Variants in TCP11L1 observed in about 807,000 individuals in gnomAD.
TCP11L1 encodes t-complex 11 like 1, also known as T-complex protein 11-like protein 1.
In TCP11L1, 28 loss-of-function variants were observed where a neutral mutation model predicts 48.9. That is an observed-to-expected ratio of 0.57 (90% CI 0.42 to 0.78). The LOEUF (loss-of-function observed/expected upper bound fraction) is 0.78, where lower values mean the gene tolerates loss of function less well. TCP11L1 is among the 30% of genes least tolerant of loss of function. TCP11L1 has a pLI of 0.00. For synonymous variants in TCP11L1, 204 were observed against 231.9 expected (o/e 0.88, Z 1.09); for missense variants, 505 against 613.4 (o/e 0.82, Z 1.87).
At chr11:33,060,703 T>C (rs1285979318) in intron 6 of TCP11L1, among the ~76,000 whole-genome samples, 1 of 152,176 alleles carries the variant, frequency 6.6e-6, no homozygotes, top group Non-Finnish European at 1.5e-5. Context: ...AGAGTTCACT[T>C]TCCCCCAGGT....
intron 3 of TCP11L1, 136 bp from the exon 4 acceptor site, chr11:33,056,979 C>A (rs1854327361): frequency 8.1e-7 from 1 of 1,233,366 alleles, no homozygotes. Flanking sequence ...TTGAAGTATG[C>A]CTGGGAAATC....
rs972110408 is a variant in TCP11L1, at chr11:33,073,225, T to C, written c.*549T>C. The C allele has an allele frequency of 6.5e-6, 1 of 153,020 alleles. No homozygotes were observed. Among genetic ancestry groups the C allele is most frequent in the African/African-American group, 2.4e-5 (1 of 41,460 alleles). 9.5% of individuals were successfully genotyped at this position (153,020 alleles called of 1,614,324 possible). On this transcript the variant is annotated 3_prime_UTR_variant, in exon 10 of 10. Transcript: ENST00000334274. ...TAGCCAGGGCTCCCAAGCCCTTTTT[T>C]CTAGAGGAGAGTTATTTGTCTCTCT...
chr11:33,056,029 G>A (rs1252223797), intron 3 of TCP11L1, among the ~76,000 whole-genome samples: 2 of 152,120 alleles, frequency 1.3e-5, no homozygotes, highest in Non-Finnish European at 2.9e-5. Context: ...TGTTGGTCAG[G>A]CTGGTCTCAA....
chr11:33,058,178 T>C (rs1357733369), intron 5 of TCP11L1, 39 bp downstream of exon 5: 50 of 1,526,140 alleles, frequency 3.3e-5, no homozygotes, highest in Non-Finnish European at 4.3e-5. Flanking sequence ...GCAACTACAA[T>C]TCAGAGGCAT....
In TCP11L1 at chr11:33,065,861, A is replaced by T; in HGVS notation, c.1004A>T (p.Glu335Val). The change falls in exon 8 of 10, where the codon GAG (glutamate) becomes GTG (valine). Residue 335 changes from glutamate to valine, a missense_variant. Glu to Val is a moderately radical substitution (Grantham distance 121, BLOSUM62 -2). This residue lies in a region of TCP11L1 where 335 missense variants were observed against 413.3 expected (regional missense o/e 0.81). Transcript: ENST00000334274. The stretch of plus-strand genomic sequence containing the variant: ...TTAATGGACCAGTCTCGCTTCCACG[A>T]GCTCCAGTTGCAGCTGGAACAACTG... ...TVLMDQSRFH[E>V]LQLQLEQLTI... 6.2e-7 allele frequency: 1 copy of T among 1,614,008 alleles called. No individual in the cohort carries two copies. Among genetic ancestry groups the T allele is most frequent in the Non-Finnish European group, 8.5e-7 (1 of 1,179,954 alleles).
intron 2 of TCP11L1, among the ~76,000 whole-genome samples, chr11:33,050,740 A>G (rs562447211): frequency 4.6e-5 from 7 of 152,052 alleles, no homozygotes; most frequent in Admixed American, 4.6e-4. Context: ...TCCATTTTTT[A>G]TTTTGTAGTT....
chr11:33,050,726 A>G (rs767923959), intron 2 of TCP11L1, among the ~76,000 whole-genome samples: 7 of 152,168 alleles, frequency 4.6e-5, no homozygotes, highest in Non-Finnish European at 2.9e-5. Context: ...TAAAATCCAA[A>G]TTATCCATTT....
chr11:33,066,359 G>C (rs932826813), intron 8 of TCP11L1, among the ~76,000 whole-genome samples: 3 of 152,178 alleles, frequency 2.0e-5, no homozygotes, highest in Non-Finnish European at 4.4e-5. Flanking sequence ...GAAGCAAGAG[G>C]GGGAACGTAA....
chr11:33,067,539 C>T lies in TCP11L1; in HGVS notation c.1155-1148C>T, dbSNP rs191156587. Among the ~76,000 whole-genome samples, 5 of 152,322 alleles carry T rather than the reference C, an allele frequency of 3.3e-5. No individual in the cohort carries two copies. The East Asian group carries it at 9.6e-4, about 29-fold the overall frequency. ...CTAGCCTGAGGCCTTTGCACAGGTA[C>T]AGCTCTGGGCTGTCACCTAGGTCCC... On this transcript the variant is annotated intron_variant, in intron 8 of 9. Coordinates refer to ENST00000334274, the MANE Select transcript of TCP11L1 (RefSeq NM_018393.4).
chr11:33,062,925 C>A (rs556314143), intron 7 of TCP11L1, among the ~76,000 whole-genome samples: 1 of 152,128 alleles, frequency 6.6e-6, no homozygotes, highest in Non-Finnish European at 1.5e-5. Context: ...CTAGGTGGTA[C>A]GACAGCTCAC....
At chr11:33,057,621 T>C (rs1854347420) in intron 4 of TCP11L1, among the ~76,000 whole-genome samples, 2 of 152,304 alleles carry the variant, frequency 1.3e-5, no homozygotes, top group African/African-American at 4.8e-5. Context: ...TGCATGGAAA[T>C]TGTCATCAGC....
At chr11:33,068,644 G>A in intron 8 of TCP11L1, 43 bp from the exon 9 acceptor site, 1 of 1,599,664 alleles carries the variant, frequency 6.3e-7, no homozygotes, top group Non-Finnish European at 8.5e-7. Flanking sequence ...CTGGTTAGAG[G>A]TGTATTTTAC....
intron 4 of TCP11L1, 137 bp downstream of exon 4, chr11:33,057,372 G>C (rs1854340806): frequency 3.5e-6 from 5 of 1,434,012 alleles, no homozygotes; most frequent in Middle Eastern, 2.1e-4. Flanking sequence ...TGGATCAAGA[G>C]TGTTTTTGGC....
chr11:33,067,353 C>T (rs1854648528), intron 8 of TCP11L1, among the ~76,000 whole-genome samples: 1 of 152,214 alleles, frequency 6.6e-6, no homozygotes, highest in African/African-American at 2.4e-5. Context: ...ACATTCTCAT[C>T]CTTACAAAAT....
At position 33,072,851 on chromosome 11, in the gene TCP11L1, TTC is replaced by T. The variant is rs1429742515; in HGVS notation, c.*177_*178del. The T allele has an allele frequency of 7.1e-6, 5 of 703,238 alleles. No homozygotes were observed. The highest frequency in any genetic ancestry group is 5.9e-5 in the Admixed American group (2 of 34,188). 43.6% of individuals were successfully genotyped at this position (703,238 alleles called of 1,614,324 possible). On this transcript the variant is annotated 3_prime_UTR_variant, in exon 10 of 10. Transcript: ENST00000334274. ...AAGACTTGTTGAGAAATCCACTGAA[TTC>T]TATTTTGAGAGATTGTATTTATGAG...
In TCP11L1 at chr11:33,066,009, G is replaced by A; in HGVS notation, c.1152G>A (p.Leu384=). The change falls in exon 8 of 10, where the codon CTG becomes CTA. Residue 384 remains leucine, a splice_region_variant and synonymous_variant. Coordinates refer to ENST00000334274, the MANE Select transcript of TCP11L1 (RefSeq NM_018393.4). ...AGATTTTGCTAACAGATATGCACCT[G>A]CCGTAAGTGGAACTTTGATGCGTGG... ...IVKILLTDMH[L]PSFHLKDVLT... is the part of the protein sequence containing the mutation. The A allele has an allele frequency of 1.2e-6, 2 of 1,613,888 alleles. No homozygotes were observed. The highest frequency in any genetic ancestry group is 1.7e-6 in the Non-Finnish European group (2 of 1,179,830).
At chr11:33,052,129 T>C (rs964515367) in intron 2 of TCP11L1, among the ~76,000 whole-genome samples, 8 of 151,922 alleles carry the variant, frequency 5.3e-5, no homozygotes, top group African/African-American at 1.9e-4. Flanking sequence ...TCAAGAAAAA[T>C]AATGAGTACT....
At chr11:33,053,096 T>TC (rs1854210256) in intron 2 of TCP11L1, among the ~76,000 whole-genome samples, 1 of 147,322 alleles carries the variant, frequency 6.8e-6, no homozygotes, top group South Asian at 2.3e-4. Context: ...TCACAAGTCC[T>TC]CCCTCTGACT....
At chr11:33,065,087 G>C (rs1854576424) in intron 7 of TCP11L1, among the ~76,000 whole-genome samples, 1 of 152,188 alleles carries the variant, frequency 6.6e-6, no homozygotes, top group Non-Finnish European at 1.5e-5. Context: ...GGTGACCCTA[G>C]GTCTGTGCCT....
Sources: gnomAD v4.1 joint callset for allele counts (sites outside exome capture counted in the v4.1 genomes callset) on GRCh38, gnomAD v4.1.1 for gene constraint, gnomAD v4.1.1 regional missense constraint, MANE v1.5 for transcripts, NCBI Gene and HGNC (gene_info 2026-07-23, HGNC 2026-07-21) for gene names.